EXOC4: variants seen among roughly 807,000 people sequenced by gnomAD.
EXOC4 encodes SEC8-like 1.
Under a neutral mutation model 107.2 loss-of-function variants are expected in EXOC4, and 71 were observed. The observed-to-expected ratio is 0.66, with a 90% CI of 0.55 to 0.81. EXOC4 has a LOEUF of 0.81. Ranked by LOEUF, EXOC4 falls within the 30% of genes least tolerant of loss-of-function variation. The pLI is 0.00. For synonymous variants in EXOC4, 456 were observed against 441.2 expected, an observed-to-expected ratio of 1.03 and a Z score of -0.42; for missense variants, 1,108 against 1,189.6, an observed-to-expected ratio of 0.93 and a Z score of 1.01.
At chr7:133,355,308 A>G (rs934360228) in intron 5 of EXOC4, among the ~76,000 whole-genome samples, 3 of 151,542 alleles carry the variant, frequency 2.0e-5, no homozygotes, top group African/African-American at 7.2e-5. Context: ...ACTTTTGACT[A>G]TTAGGCTCCA....
chr7:133,931,851 C>G (rs1314774699), intron 13 of EXOC4, among the ~76,000 whole-genome samples: 1 of 152,204 alleles, frequency 6.6e-6, no homozygotes, highest in Admixed American at 6.5e-5. Flanking sequence ...GCAAAGCTGC[C>G]TTAGCAGAAT....
intron 7 of EXOC4, among the ~76,000 whole-genome samples, chr7:133,449,624 A>G (rs1324666762): frequency 1.3e-5 from 2 of 152,004 alleles, no homozygotes; most frequent in African/African-American, 4.8e-5. Flanking sequence ...TTCTATCTGT[A>G]TCTAGATAAG....
chr7:133,957,087 A>G (rs149467217), intron 14 of EXOC4, among the ~76,000 whole-genome samples: 78 of 152,256 alleles, frequency 5.1e-4, no homozygotes, highest in Admixed American at 8.5e-4. Context: ...AATGATCGTT[A>G]TATTCATGGC....
chr7:133,576,998 G>T lies in EXOC4; in HGVS notation c.1418-53047G>T, dbSNP rs190730356. On this transcript the variant is annotated intron_variant, in intron 9 of 17. Transcript: ENST00000253861. Reference sequence around the variant, plus strand: ...ATAATATGCCCGGGGTTGGATGTCTGTTTTCATTTATTATTAAGTAGAAGA... The same window carrying T: ...ATAATATGCCCGGGGTTGGATGTCTTTTTTCATTTATTATTAAGTAGAAGA... 3.7e-4 allele frequency: 190 copies of T among 520,268 alleles called. 2 individuals are homozygous for T. The highest frequency in any genetic ancestry group is 3.6e-3 in the African/African-American group (179 of 49,912). 32.2% of individuals were successfully genotyped at this position (520,268 alleles called of 1,614,324 possible).
intron 5 of EXOC4, among the ~76,000 whole-genome samples, chr7:133,339,839 C>T (rs1795616715): frequency 6.6e-6 from 1 of 152,142 alleles, no homozygotes; most frequent in Non-Finnish European, 1.5e-5. Flanking sequence ...AGCAGTGCTA[C>T]TGATTTGTGT....
At chr7:133,471,936 G>A (rs1798889357) in intron 7 of EXOC4, among the ~76,000 whole-genome samples, 1 of 152,152 alleles carries the variant, frequency 6.6e-6, no homozygotes, top group African/African-American at 2.4e-5. Context: ...AAAGGGTATA[G>A]CCAACTAGAG....
chr7:133,827,026 T>G (rs1797719583), intron 11 of EXOC4, among the ~76,000 whole-genome samples: 2 of 152,226 alleles, frequency 1.3e-5, no homozygotes, highest in Admixed American at 1.3e-4. Context: ...TATTTTAATC[T>G]TAGAAAATCT....
At chr7:133,697,344 G>A (rs1196495714) in intron 10 of EXOC4, among the ~76,000 whole-genome samples, 3 of 152,076 alleles carry the variant, frequency 2.0e-5, no homozygotes, top group Non-Finnish European at 4.4e-5. Flanking sequence ...GAATGGGAAG[G>A]CACTTCAATA....
intron 10 of EXOC4, among the ~76,000 whole-genome samples, chr7:133,662,113 G>C (rs375358991): frequency 1.3e-5 from 2 of 152,116 alleles, no homozygotes; most frequent in African/African-American, 4.8e-5. Context: ...AATTTTTCTC[G>C]GTTCACACAA....
chr7:133,490,730 T>C (rs1799356348), intron 9 of EXOC4, among the ~76,000 whole-genome samples: 1 of 152,162 alleles, frequency 6.6e-6, no homozygotes, highest in Non-Finnish European at 1.5e-5. Flanking sequence ...AGATTAAGAA[T>C]TGATAAGAAC....
the EXOC4 span, among the ~76,000 whole-genome samples, chr7:134,092,508 C>G: frequency 6.6e-6 from 1 of 150,522 alleles, no homozygotes. Flanking sequence ...AGAATAATAT[C>G]TACTCAGCAG....
intron 17 of EXOC4, among the ~76,000 whole-genome samples, chr7:134,035,532 A>G (rs1490295121): frequency 1.3e-5 from 2 of 152,222 alleles, no homozygotes; most frequent in East Asian, 1.9e-4. Flanking sequence ...CAGATGAGCC[A>G]TATCTTTGTC....
chr7:133,282,020 G>C (rs979643807), intron 2 of EXOC4, among the ~76,000 whole-genome samples: 3 of 152,134 alleles, frequency 2.0e-5, no homozygotes, highest in African/African-American at 7.2e-5. Flanking sequence ...GTACTTTTCT[G>C]ATTTTATGAC....
intron 12 of EXOC4, among the ~76,000 whole-genome samples, chr7:133,895,936 A>G (rs1207108818): frequency 4.6e-5 from 7 of 152,216 alleles, no homozygotes; most frequent in African/African-American, 1.7e-4. Context: ...GAAGGGACGC[A>G]GCCACTAGGA....
intron 10 of EXOC4, among the ~76,000 whole-genome samples, chr7:133,665,903 A>G (rs1793802270): frequency 6.6e-6 from 1 of 152,192 alleles, no homozygotes; most frequent in Non-Finnish European, 1.5e-5. Flanking sequence ...AGAACAAAAG[A>G]GTTTCAAGGC....
At chr7:133,615,470 C>A (rs1222320652) in intron 9 of EXOC4, among the ~76,000 whole-genome samples, 2 of 152,112 alleles carry the variant, frequency 1.3e-5, no homozygotes, top group South Asian at 4.1e-4. Flanking sequence ...TGCTGGTCAA[C>A]AGTAGGCTAT....
intron 10 of EXOC4, among the ~76,000 whole-genome samples, chr7:133,684,198 G>C (rs899172236): frequency 2.6e-5 from 4 of 152,120 alleles, no homozygotes; most frequent in African/African-American, 9.7e-5. Context: ...AGATGTCTCA[G>C]GATGTAGTAT....
At chr7:134,099,432 G>C in the EXOC4 span, among the ~76,000 whole-genome samples, 1 of 151,594 alleles carries the variant, frequency 6.6e-6, no homozygotes, top group African/African-American at 2.4e-5. Context: ...GTCACACAGG[G>C]ACACCAAGAA....
chr7:133,449,533 A>G (rs1250276275), intron 7 of EXOC4, among the ~76,000 whole-genome samples: 1 of 152,062 alleles, frequency 6.6e-6, no homozygotes, highest in Admixed American at 6.6e-5. Flanking sequence ...ATCTATCAAC[A>G]TTGCTCCTTA....
Sources: gnomAD v4.1 joint callset for allele counts (sites outside exome capture counted in the v4.1 genomes callset) on GRCh38, gnomAD v4.1.1 for gene constraint, MANE v1.5 for transcripts, NCBI Gene and HGNC (gene_info 2026-07-23, HGNC 2026-07-21) for gene names.